Variants in NTRK2 observed in about 807,000 individuals in gnomAD.
NTRK2 encodes neurotrophic receptor tyrosine kinase 2.
NTRK2 carries 13 observed loss-of-function variants against 94.5 expected under a neutral mutation model. The observed-to-expected ratio is 0.14, with a 90% confidence interval of 0.09 to 0.22. NTRK2 has a LOEUF of 0.22. Among genes scored for constraint, NTRK2 ranks in the 10% least tolerant of loss-of-function variants. The pLI is 1.00. For missense variants in NTRK2, 639 were observed against 1,071.2 expected, an observed-to-expected ratio of 0.60 and a Z score of 5.63; for synonymous variants, 372 against 407.4, an observed-to-expected ratio of 0.91 and a Z score of 1.05.
intron 14 of NTRK2, among the ~76,000 whole-genome samples, chr9:84,915,834 T>A (rs776555541): frequency 6.6e-6 from 1 of 152,178 alleles, no homozygotes; most frequent in African/African-American, 2.4e-5. Context: ...ACTACTCAAG[T>A]GTAGAAGAAC....
intron 17 of NTRK2, among the ~76,000 whole-genome samples, chr9:84,977,830 A>C (rs1186940984): frequency 6.6e-6 from 1 of 152,224 alleles, no homozygotes; most frequent in African/African-American, 2.4e-5. Context: ...GGCTCACTTC[A>C]TGTCTCTGTG....
At chr9:85,020,119 G>A (rs764372720) in intron 17 of NTRK2, 87 bp from the exon 18 acceptor site, 1 of 1,419,946 alleles carries the variant, frequency 7.0e-7, no homozygotes, top group Non-Finnish European at 9.9e-7. Context: ...GTGCAAATAA[G>A]GAAAGCAAAC....
At chr9:84,882,711 T>C (rs1458711752) in intron 14 of NTRK2, among the ~76,000 whole-genome samples, 2 of 147,132 alleles carry the variant, frequency 1.4e-5, no homozygotes, top group African/African-American at 5.2e-5. Flanking sequence ...TGTGTGTGTG[T>C]GTGTGTGTGC....
At chr9:85,012,694 CATT>C (rs1049176427) in intron 17 of NTRK2, among the ~76,000 whole-genome samples, 14 of 151,874 alleles carry the variant, frequency 9.2e-5, no homozygotes, top group African/African-American at 2.2e-4. Context: ...TCATTTCTAT[CATT>C]ATTATTATTA....
intron 12 of NTRK2, among the ~76,000 whole-genome samples, chr9:84,843,492 G>A (rs1418797502): frequency 1.3e-5 from 2 of 152,196 alleles, no homozygotes; most frequent in African/African-American, 4.8e-5. Context: ...TGCTTGGTTT[G>A]AATGGTTGTG....
At chr9:84,717,999 T>A (rs997947991) in intron 6 of NTRK2, among the ~76,000 whole-genome samples, 2 of 151,902 alleles carry the variant, frequency 1.3e-5, no homozygotes, top group African/African-American at 4.8e-5. Context: ...CTCCTTCTCC[T>A]TCTCCTTCTC....
chr9:84,775,085 G>T (rs1253422265), intron 12 of NTRK2, among the ~76,000 whole-genome samples: 2 of 152,228 alleles, frequency 1.3e-5, no homozygotes, highest in Middle Eastern at 3.2e-3. Flanking sequence ...GAGATAGAAA[G>T]ATTAATCTCT....
At chr9:84,822,397 C>T (rs1333282083) in intron 12 of NTRK2, among the ~76,000 whole-genome samples, 1 of 152,116 alleles carries the variant, frequency 6.6e-6, no homozygotes, top group Non-Finnish European at 1.5e-5. Context: ...TAGGAGCCTT[C>T]ATTTATTGGG....
intron 9 of NTRK2, among the ~76,000 whole-genome samples, chr9:84,741,019 A>G (rs1176490292): frequency 1.3e-5 from 2 of 152,234 alleles, no homozygotes; most frequent in African/African-American, 4.8e-5. Flanking sequence ...TTCATTTTGC[A>G]ATCACTTAAA....
rs187168568 is a variant in NTRK2, at chr9:84,750,393, A to T, written c.1297-1593A>T. ...TAACCACAAGCAAGCCAGGAAATGT[A>T]TCCTACAAAGAGAAACACAGAGAAA... On this transcript the variant is annotated intron_variant, in intron 11 of 18. Coordinates refer to ENST00000277120, the MANE Select transcript of NTRK2 (RefSeq NM_006180.6). 3.0e-3 allele frequency among the ~76,000 whole-genome samples: 451 copies of T among 152,358 alleles called. 1 individual carries two copies. Among genetic ancestry groups the T allele is most frequent in the South Asian group, 6.6e-3 (32 of 4,826 alleles).
chr9:84,731,148 T>C (rs1187898320), intron 9 of NTRK2, among the ~76,000 whole-genome samples: 1 of 152,106 alleles, frequency 6.6e-6, no homozygotes. Context: ...TTAGAGCAGA[T>C]TTCTGCTCGG....
At chr9:84,687,767 A>G (rs1454440267) in intron 2 of NTRK2, among the ~76,000 whole-genome samples, 1 of 152,144 alleles carries the variant, frequency 6.6e-6, no homozygotes, top group Non-Finnish European at 1.5e-5. Flanking sequence ...AGTTTTGAAC[A>G]TGTCTTTGTA....
chr9:84,864,736 C>CA (rs2075499188), intron 13 of NTRK2, among the ~76,000 whole-genome samples: 1 of 104,590 alleles, frequency 9.6e-6, no homozygotes, highest in Non-Finnish European at 1.8e-5. Flanking sequence ...TCTTAATTTT[C>CA]TTTTTTTTTT....
At chr9:84,967,095 G>A (rs192027620) in intron 17 of NTRK2, among the ~76,000 whole-genome samples, 21 of 152,276 alleles carry the variant, frequency 1.4e-4, no homozygotes, top group African/African-American at 4.6e-4. Context: ...GTTAGTAAAC[G>A]AAGTGCTATT....
At chr9:84,854,027 G>A (rs1242590300) in intron 12 of NTRK2, among the ~76,000 whole-genome samples, 2 of 147,560 alleles carry the variant, frequency 1.4e-5, no homozygotes, top group Non-Finnish European at 1.5e-5. Context: ...AGCTGAGATC[G>A]CACCACTGCA....
chr9:84,841,782 C>A (rs1374573920), intron 12 of NTRK2, among the ~76,000 whole-genome samples: 2 of 152,208 alleles, frequency 1.3e-5, no homozygotes, highest in African/African-American at 2.4e-5. Flanking sequence ...TGTCTGCCCC[C>A]ACAAAATATA....
At chr9:84,669,646 T>A (rs1242176092), upstream of NTRK2, 2 of 152,790 alleles carry the variant, frequency 1.3e-5, no homozygotes, top group South Asian at 2.1e-4. This position sits in a 1 kb window ranked among gnomAD's most constrained non-coding sequence, Gnocchi z 4.1. Flanking sequence ...TGGGTTTGTG[T>A]GTGTATGAGC....
intron 14 of NTRK2, among the ~76,000 whole-genome samples, chr9:84,917,298 T>C (rs2077422886): frequency 6.6e-6 from 1 of 152,226 alleles, no homozygotes. Flanking sequence ...AATAATACAA[T>C]TAAGTTCTCA....
At chr9:84,999,037 A>C (rs1257193239) in intron 17 of NTRK2, among the ~76,000 whole-genome samples, 1 of 152,146 alleles carries the variant, frequency 6.6e-6, no homozygotes, top group Non-Finnish European at 1.5e-5. Context: ...CATCTTCTGC[A>C]CACTCTTTAG....
Sources: gnomAD v4.1 joint callset for allele counts (sites outside exome capture counted in the v4.1 genomes callset) on GRCh38, gnomAD v4.1.1 for gene constraint, Gnocchi (gnomAD v3.1) non-coding constraint, MANE v1.5 for transcripts, NCBI Gene and HGNC (gene_info 2026-07-23, HGNC 2026-07-21) for gene names.